NKIRAS1: variants seen among roughly 807,000 people sequenced by gnomAD.
NKIRAS1 encodes NFKB inhibitor interacting Ras like 1, also known as NF-kappa-B inhibitor-interacting Ras-like protein 1.
Under a neutral mutation model 19.8 loss-of-function variants are expected in NKIRAS1, and 16 were observed. That is an observed-to-expected ratio of 0.81 (90% CI 0.55 to 1.23). The LOEUF is 1.23. Ranked by LOEUF, NKIRAS1 falls within the 50% of genes most tolerant of loss-of-function variation. The probability of loss-of-function intolerance (pLI) is 0.00; values close to 1 mark genes in which losing one functional copy is unlikely to be tolerated. For missense variants in NKIRAS1, 184 were observed against 220.0 expected, an observed-to-expected ratio of 0.84 and a Z score of 1.04; for synonymous variants, 88 against 79.0, an observed-to-expected ratio of 1.11 and a Z score of -0.61.
At chr3:23,893,798 C>CAAAAAA (rs58905555) in intron 4 of NKIRAS1, among the ~76,000 whole-genome samples, 2 of 81,528 alleles carry the variant, frequency 2.5e-5, no homozygotes, top group Non-Finnish European at 4.5e-5. Context: ...GACTCCATCT[C>CAAAAAA]AAAAAAAAAA....
chr3:23,911,730 G>A (rs1388240776), intron 1 of NKIRAS1, among the ~76,000 whole-genome samples: 1 of 150,768 alleles, frequency 6.6e-6, no homozygotes, highest in Admixed American at 6.6e-5. Flanking sequence ...CTTTTCTCGA[G>A]AAGGGAAGAA....
At chr3:23,940,167 CCAAAAA>C (rs1169095934) in intron 1 of NKIRAS1, among the ~76,000 whole-genome samples, 4 of 28,922 alleles carry the variant, frequency 1.4e-4, no homozygotes, top group African/African-American at 5.1e-4. Flanking sequence ...CCCATCTCTA[CCAAAAA>C]AAAAAAAAAA....
chr3:23,897,404 G>A lies in NKIRAS1; in HGVS notation c.336+3404C>T, dbSNP rs116791025. 3.8e-3 allele frequency among the ~76,000 whole-genome samples: 577 copies of A among 152,222 alleles called. 3 individuals are homozygous for A. The highest frequency in any genetic ancestry group is 0.013 in the African/African-American group (551 of 41,534). On this transcript the variant is annotated intron_variant, in intron 4 of 4. Transcript: ENST00000425478. The stretch of plus-strand genomic sequence containing the variant: ...AACACAGTCCTTTTTACATATGATT[G>A]TCATTTTTGAACCATGTGCAAACAT...
upstream of NKIRAS1, chr3:23,918,706 A>T: frequency 9.1e-7 from 1 of 1,099,964 alleles, no homozygotes; most frequent in Non-Finnish European, 1.3e-6. Flanking sequence ...GATTTTTACT[A>T]ATCTTGGTGA....
chr3:23,919,222 T>G, upstream of NKIRAS1: 1 of 1,613,932 alleles, frequency 6.2e-7, no homozygotes, highest in Admixed American at 1.7e-5. Context: ...ACTGTGGGGC[T>G]CTGAGAGTCC....
intron 1 of NKIRAS1, among the ~76,000 whole-genome samples, chr3:23,940,224 G>A (rs1431038478): frequency 2.0e-5 from 3 of 150,356 alleles, no homozygotes; most frequent in Non-Finnish European, 3.0e-5. Context: ...GTACACACCT[G>A]TGGTCCTAGC....
chr3:23,908,468 C>A (rs1278798736), intron 3 of NKIRAS1, among the ~76,000 whole-genome samples: 1 of 152,090 alleles, frequency 6.6e-6, no homozygotes, highest in African/African-American at 2.4e-5. Context: ...ACTGAAACAC[C>A]TCATCACAGC....
At position 23,910,816 on chromosome 3, in the gene NKIRAS1, G is replaced by C. The variant is rs1248692618; in HGVS notation, c.89C>G (p.Thr30Ser). The change falls in exon 3 of 5, where the codon ACT (threonine) becomes AGT (serine). Residue 30 changes from threonine (T) to serine (S), a missense_variant. Thr to Ser is a moderately conservative substitution (Grantham distance 58). Transcript: ENST00000425478. ...CTAGAGAAAAACAATCTTACCAATA[G>C]TATGATTTCCATAAAGGAGCTGCTC... ...ILEQLLYGNH[T>S]IGMEDCETME... 1 of 1,610,238 alleles carries C rather than the reference G, an allele frequency of 6.2e-7. No homozygotes were observed. Among genetic ancestry groups the C allele is most frequent in the Admixed American group, 1.7e-5 (1 of 60,010 alleles).
upstream of NKIRAS1, among the ~76,000 whole-genome samples, chr3:23,921,311 CAA>C: frequency 6.6e-6 from 1 of 152,292 alleles, no homozygotes; most frequent in African/African-American, 2.4e-5. Flanking sequence ...GCAAAAAAAT[CAA>C]AAGTCCTCAT....
chr3:23,918,409 A>G (rs1559511423), upstream of NKIRAS1: 1 of 1,605,910 alleles, frequency 6.2e-7, no homozygotes. Context: ...CTTCCTATAA[A>G]ATCACTAATT....
chr3:23,906,949 A>G (rs996797915), intron 3 of NKIRAS1, among the ~76,000 whole-genome samples: 3 of 151,978 alleles, frequency 2.0e-5, no homozygotes, highest in African/African-American at 7.3e-5. Flanking sequence ...GCTGGAGTGC[A>G]GTGGCGTGAT....
Position 23,900,946 on chromosome 3 carries a change from C to T in NKIRAS1, c.198G>A (p.Gln66=). The T allele has an allele frequency of 6.2e-7, 1 of 1,614,214 alleles. No homozygotes were observed. The highest frequency in any genetic ancestry group is 8.5e-7 in the Non-Finnish European group (1 of 1,180,036). The change falls in exon 4 of 5, where the codon CAG becomes CAA. Residue 66 remains glutamine (Q), a synonymous_variant. Coordinates refer to ENST00000425478, the MANE Select transcript of NKIRAS1 (RefSeq NM_020345.4). The part of the protein sequence containing the change: ...QLHLYDTRGL[Q]EGVELPKHYF... ...AATGCTTTGGCAGCTCCACGCCTTC[C>T]TGTAGACCTCTGGTGTCATAAAGAT...
upstream of NKIRAS1, chr3:23,919,215 G>T (rs1559511986): frequency 6.2e-7 from 1 of 1,613,774 alleles, no homozygotes. Flanking sequence ...GGACGCCACT[G>T]TGGGGCTCTG....
intron 3 of NKIRAS1, among the ~76,000 whole-genome samples, chr3:23,903,740 C>A (rs762227675): frequency 6.6e-6 from 1 of 152,096 alleles, no homozygotes; most frequent in South Asian, 2.1e-4. Flanking sequence ...GAAGGTCCAG[C>A]ATCCAAAAAG....
intron 3 of NKIRAS1, among the ~76,000 whole-genome samples, chr3:23,906,728 T>G (rs919745609): frequency 4.0e-5 from 6 of 151,658 alleles, no homozygotes; most frequent in Non-Finnish European, 8.8e-5. Context: ...ATCACTATAC[T>G]CCAGTCTGGG....
chr3:23,920,239 T>C (rs1704999355), upstream of NKIRAS1: 1 of 985,652 alleles, frequency 1.0e-6, no homozygotes, highest in Non-Finnish European at 1.2e-6. Context: ...CTAATTGTGA[T>C]CATTATGAAT....
intron 4 of NKIRAS1, among the ~76,000 whole-genome samples, chr3:23,893,550 T>C (rs1457714731): frequency 6.6e-6 from 1 of 152,166 alleles, no homozygotes; most frequent in Non-Finnish European, 1.5e-5. Flanking sequence ...CTCATGCCTA[T>C]ATTCCCAGCA....
chr3:23,893,850 TAA>T (rs11381471), intron 4 of NKIRAS1, among the ~76,000 whole-genome samples: 3 of 134,678 alleles, frequency 2.2e-5, no homozygotes, highest in African/African-American at 5.5e-5. Flanking sequence ...TTGCTAACTG[TAA>T]AAAAAAAAAA....
intron 4 of NKIRAS1, among the ~76,000 whole-genome samples, chr3:23,898,651 G>A (rs770000361): frequency 3.3e-5 from 5 of 151,996 alleles, no homozygotes; most frequent in Admixed American, 6.6e-5. Context: ...CCACCATGTT[G>A]GTCAAGCTGG....
Sources: gnomAD v4.1 joint callset for allele counts (sites outside exome capture counted in the v4.1 genomes callset) on GRCh38, gnomAD v4.1.1 for gene constraint, MANE v1.5 for transcripts, NCBI Gene and HGNC (gene_info 2026-07-23, HGNC 2026-07-21) for gene names.